Variants in SKIC3 observed in about 807,000 individuals in gnomAD.
The protein encoded by SKIC3 is superkiller complex protein 3.
the SKIC3 span, chr5:95,524,488 T>C: frequency 1.9e-6 from 3 of 1,613,512 alleles, no homozygotes; most frequent in African/African-American, 2.7e-5. Context: ...GTAAGAGCCT[T>C]TGTTTTATCT....
At chr5:95,519,502 A>G in the SKIC3 span, among the ~76,000 whole-genome samples, 6,730 of 152,120 alleles carry the variant, frequency 0.044, 194 homozygotes, top group Non-Finnish European at 0.066. Context: ...TATGATTTGG[A>G]GTTCCTTTGC....
At chr5:95,536,844 C>T in the SKIC3 span, 1 of 1,613,520 alleles carries the variant, frequency 6.2e-7, no homozygotes, top group Non-Finnish European at 8.5e-7. Flanking sequence ...AAACAAAGCA[C>T]TTCTAATGGA....
chr5:95,478,558 G>A, the SKIC3 span: 1 of 1,407,292 alleles, frequency 7.1e-7, no homozygotes, highest in Non-Finnish European at 9.8e-7. Flanking sequence ...TTTAGTTATT[G>A]GTAAGTTCTG....
chr5:95,495,109 C>G, the SKIC3 span: 4 of 1,235,174 alleles, frequency 3.2e-6, no homozygotes, highest in Non-Finnish European at 4.7e-6. Context: ...CACTAAATCA[C>G]TGGAAAGGTT....
At chr5:95,516,320 G>C in the SKIC3 span, 1 of 1,610,180 alleles carries the variant, frequency 6.2e-7, no homozygotes, top group African/African-American at 1.3e-5. Flanking sequence ...AACATTCTTT[G>C]TTTTAAATAT....
At chr5:95,527,569 A>T in the SKIC3 span, among the ~76,000 whole-genome samples, 1 of 152,160 alleles carries the variant, frequency 6.6e-6, no homozygotes, top group East Asian at 1.9e-4. Flanking sequence ...CTTTAACTCA[A>T]AACACTAAGA....
the SKIC3 span, among the ~76,000 whole-genome samples, chr5:95,470,659 T>G: frequency 1.3e-5 from 2 of 152,056 alleles, 1 homozygote; most frequent in South Asian, 4.1e-4. Flanking sequence ...TATAAAAAAG[T>G]ACAAAACAGA....
chr5:95,530,293 T>A, the SKIC3 span: 1 of 1,581,832 alleles, frequency 6.3e-7, no homozygotes, highest in Non-Finnish European at 8.6e-7. Context: ...CAAACCCATA[T>A]TCTTAAATCT....
chr5:95,470,248 G>A, the SKIC3 span, among the ~76,000 whole-genome samples: 1 of 152,092 alleles, frequency 6.6e-6, no homozygotes, highest in Non-Finnish European at 1.5e-5. Flanking sequence ...AAAGTGCTGG[G>A]ATTACAGGCG....
At chr5:95,528,018 C>T in the SKIC3 span, 2 of 1,613,392 alleles carry the variant, frequency 1.2e-6, no homozygotes, top group African/African-American at 1.3e-5. Flanking sequence ...TCTACCTGAT[C>T]AAGCGTACGA....
chr5:95,475,987 G>A, the SKIC3 span, among the ~76,000 whole-genome samples: 1 of 152,208 alleles, frequency 6.6e-6, no homozygotes, highest in African/African-American at 2.4e-5. Context: ...CTTAGGGGAA[G>A]CCCCCTCTGA....
chr5:95,537,027 T>TA, the SKIC3 span: 1 of 1,611,508 alleles, frequency 6.2e-7, no homozygotes. Flanking sequence ...ATTAGAGATT[T>TA]AAAAAATCAA....
the SKIC3 span, chr5:95,491,147 A>C: frequency 6.9e-7 from 1 of 1,452,208 alleles, no homozygotes; most frequent in Non-Finnish European, 9.3e-7. Context: ...TGTATCTAAA[A>C]AAAAATTTCA....
At chr5:95,468,522 G>T in the SKIC3 span, among the ~76,000 whole-genome samples, 1 of 152,096 alleles carries the variant, frequency 6.6e-6, no homozygotes, top group African/African-American at 2.4e-5. Flanking sequence ...GTAATAACAG[G>T]CTGATTTACA....
chr5:95,522,371 A>T, the SKIC3 span: 4 of 1,552,562 alleles, frequency 2.6e-6, no homozygotes, highest in Admixed American at 5.6e-5. Context: ...TGAAAGGAAA[A>T]TATAAAATAA....
chr5:95,464,478 A>G, the SKIC3 span: 1 of 715,244 alleles, frequency 1.4e-6, no homozygotes, highest in Non-Finnish European at 2.3e-6. Context: ...AAAAACTTCA[A>G]CTTCTCTAGA....
the SKIC3 span, chr5:95,536,857 C>T: frequency 6.2e-7 from 1 of 1,613,674 alleles, no homozygotes; most frequent in Non-Finnish European, 8.5e-7. Flanking sequence ...CTAATGGATA[C>T]TGTACAGTAG....
At chr5:95,554,628 G>C in the SKIC3 span, among the ~76,000 whole-genome samples, 7 of 152,150 alleles carry the variant, frequency 4.6e-5, no homozygotes, top group African/African-American at 7.2e-5. Flanking sequence ...CTGACTGCAC[G>C]GGGTAAGAGA....
the SKIC3 span, chr5:95,523,976 G>T: frequency 1.2e-6 from 1 of 843,794 alleles, no homozygotes; most frequent in Non-Finnish European, 1.8e-6. Context: ...AAAATCCTTT[G>T]ATGTAAGATT....
Sources: gnomAD v4.1 joint callset for allele counts (sites outside exome capture counted in the v4.1 genomes callset) on GRCh38, gnomAD v4.1.1 for gene constraint, MANE v1.5 for transcripts, NCBI Gene and HGNC (gene_info 2026-07-23, HGNC 2026-07-21) for gene names.